The following GSE1 variants were observed in gnomAD, a reference collection of about 807,000 sequenced individuals.
GSE1 encodes the protein Gse1 coiled-coil protein.
A neutral mutation model predicts 112.6 loss-of-function variants in GSE1; 32 were observed. The ratio of observed to expected loss-of-function variants is 0.28; its 90% CI spans 0.21 to 0.38. The LOEUF is 0.38. Ranked by LOEUF, GSE1 falls within the 10% of genes least tolerant of loss-of-function variation. The probability of loss-of-function intolerance (pLI) is 1.00; values close to 1 mark genes in which losing one functional copy is unlikely to be tolerated. For missense variants in GSE1, 2,348 were observed against 1,699.2 expected, an observed-to-expected ratio of 1.38 and a Z score of -6.71; for synonymous variants, 1,115 against 735.6, an observed-to-expected ratio of 1.52 and a Z score of -8.35.
chr16:85,422,306 G>A (rs909727498), intron 2 of GSE1, among the ~76,000 whole-genome samples: 4 of 152,094 alleles, frequency 2.6e-5, no homozygotes, highest in African/African-American at 7.2e-5. Context: ...GATCCTCCCC[G>A]CACAGGCGAG....
chr16:85,230,833 AGATGGATG>A (rs201465688), intron 1 of GSE1, among the ~76,000 whole-genome samples: 15 of 150,238 alleles, frequency 1.0e-4, no homozygotes, highest in South Asian at 4.2e-4. Context: ...GTGGAAGACT[AGATGGATG>A]GATGGATGGA....
At chr16:85,617,340 C>T (rs943905892) in intron 1 of GSE1, among the ~76,000 whole-genome samples, 1 of 152,200 alleles carries the variant, frequency 6.6e-6, no homozygotes, top group Non-Finnish European at 1.5e-5. Context: ...CTCTGGTTTA[C>T]CTTCACCTGC....
chr16:85,229,956 A>G (rs2075553642), intron 1 of GSE1, among the ~76,000 whole-genome samples: 1 of 152,178 alleles, frequency 6.6e-6, no homozygotes, highest in Admixed American at 6.5e-5. Flanking sequence ...GTGCAAACCT[A>G]GGTCCAGTTG....
At chr16:85,611,864 G>C (rs1194281748), upstream of GSE1, among the ~76,000 whole-genome samples, 1 of 151,998 alleles carries the variant, frequency 6.6e-6, no homozygotes, top group East Asian at 1.9e-4. Flanking sequence ...GCGCGGGGAG[G>C]GGGAGGGAGG....
intron 3 of GSE1, among the ~76,000 whole-genome samples, chr16:85,653,804 G>A (rs187177387): frequency 3.2e-4 from 49 of 152,314 alleles, no homozygotes; most frequent in Admixed American, 5.2e-4. Context: ...GGACATCTGC[G>A]GCCAGGTGGG....
chr16:85,367,298 G>A (rs2047204649), intron 2 of GSE1, among the ~76,000 whole-genome samples: 1 of 152,328 alleles, frequency 6.6e-6, no homozygotes, highest in African/African-American at 2.4e-5. Context: ...CTGATTGTCT[G>A]CCGGCACGTC....
chr16:85,222,676 G>A (rs1486742698), intron 1 of GSE1, among the ~76,000 whole-genome samples: 2 of 152,160 alleles, frequency 1.3e-5, no homozygotes, highest in Admixed American at 6.5e-5. Context: ...TCCAGGAAAC[G>A]GAAAACGTGG....
chr16:85,281,056 C>G (rs2044843206), intron 1 of GSE1, among the ~76,000 whole-genome samples: 1 of 152,172 alleles, frequency 6.6e-6, no homozygotes, highest in South Asian at 2.1e-4. Context: ...GAACGGCTCT[C>G]CCTGCTCTAA....
intron 1 of GSE1, among the ~76,000 whole-genome samples, chr16:85,228,804 AG>A (rs949079413): frequency 6.6e-6 from 1 of 152,202 alleles, no homozygotes; most frequent in Admixed American, 6.5e-5. Context: ...GCATCTTCTC[AG>A]AAAAGGAAAT....
In GSE1 at chr16:85,340,405, C is replaced by T. The variant is rs558868574; in HGVS notation, c.2284-17058C>T. Among the ~76,000 whole-genome samples, 8 of 151,862 alleles carry T rather than the reference C, an allele frequency of 5.3e-5. No homozygotes were observed. The South Asian group carries it at 6.3e-4, about 12-fold the overall frequency. ...CTGTAATCCCAGCACTTTGGGAGAC[C>T]GAGGCAGGAGGATCACTTGAGGTGA... On this transcript the variant is annotated intron_variant, in intron 1 of 2. Coordinates refer to the GSE1 transcript ENST00000637419.
chr16:85,660,434 C>G (rs1297383363), intron 8 of GSE1, among the ~76,000 whole-genome samples: 5 of 152,056 alleles, frequency 3.3e-5, no homozygotes, highest in African/African-American at 9.7e-5. Flanking sequence ...GTCAGGAATT[C>G]GAGAGCAGTC....
intron 3 of GSE1, 141 bp downstream of exon 3, chr16:85,648,892 T>C: frequency 1.9e-6 from 1 of 524,672 alleles, no homozygotes; most frequent in Non-Finnish European, 3.3e-6. Flanking sequence ...CGTCTCCTTC[T>C]CTGCAACGTG....
intron 1 of GSE1, among the ~76,000 whole-genome samples, chr16:85,208,048 C>G (rs1235332791): frequency 6.6e-6 from 1 of 152,000 alleles, no homozygotes; most frequent in Admixed American, 6.5e-5. Context: ...GTGCCCAGGA[C>G]CATGGGGATG....
intron 1 of GSE1, among the ~76,000 whole-genome samples, chr16:85,245,928 T>G (rs1905609253): frequency 6.7e-6 from 1 of 148,870 alleles, no homozygotes; most frequent in Non-Finnish European, 1.5e-5. Flanking sequence ...TGTGGGGAGG[T>G]GTCTGCGTGT....
chr16:85,436,642 C>A (rs2049252890), intron 2 of GSE1, among the ~76,000 whole-genome samples: 1 of 152,238 alleles, frequency 6.6e-6, no homozygotes, highest in South Asian at 2.1e-4. Context: ...CCAGAGAGTC[C>A]CGGGAGGCAG....
intron 2 of GSE1, among the ~76,000 whole-genome samples, chr16:85,516,604 A>G (rs1419651958): frequency 1.3e-5 from 2 of 151,388 alleles, no homozygotes; most frequent in African/African-American, 2.4e-5. Flanking sequence ...AAAAAAAAAA[A>G]AAGATTTAAG....
chr16:85,194,395 G>C (rs2074887561), intron 1 of GSE1, among the ~76,000 whole-genome samples: 1 of 152,190 alleles, frequency 6.6e-6, no homozygotes, highest in Non-Finnish European at 1.5e-5. Context: ...ATTTCTTCTA[G>C]ATGTGCACAA....
intron 1 of GSE1, among the ~76,000 whole-genome samples, chr16:85,617,857 C>A (rs972533353): frequency 6.6e-6 from 1 of 152,068 alleles, no homozygotes; most frequent in East Asian, 1.9e-4. Context: ...TTGCTTGCCC[C>A]GGAATTGGAT....
chr16:85,378,328 C>T (rs11641847), intron 2 of GSE1, among the ~76,000 whole-genome samples: 5 of 152,074 alleles, frequency 3.3e-5, no homozygotes, highest in South Asian at 2.1e-4. Flanking sequence ...CCAGGCCAGG[C>T]GGCTTGGGGC....
Sources: allele counts gnomAD v4.1 joint callset (sites outside exome capture counted in the v4.1 genomes callset), GRCh38; gene constraint gnomAD v4.1.1; transcripts MANE v1.5; gene names NCBI Gene and HGNC (gene_info 2026-07-23, HGNC 2026-07-21).